TSBP1: variants seen among roughly 807,000 people sequenced by gnomAD.
The protein encoded by TSBP1 is testis expressed basic protein 1.
Under a neutral mutation model 68.8 loss-of-function variants are expected in TSBP1, and 56 were observed. The observed-to-expected ratio is 0.81, with a 90% confidence interval of 0.66 to 1.02. The LOEUF (loss-of-function observed/expected upper bound fraction) is 1.02, where lower values mean the gene tolerates loss of function less well. TSBP1 is among the 50% of genes least tolerant of loss of function. The pLI, the probability that TSBP1 is intolerant of heterozygous loss-of-function variation, is 0.00. For synonymous variants in TSBP1, 171 were observed against 208.7 expected, an observed-to-expected ratio of 0.82 and a Z score of 1.56; for missense variants, 502 against 641.2, an observed-to-expected ratio of 0.78 and a Z score of 2.34.
At chr6:32,366,955 G>T (rs1773812948) in intron 4 of TSBP1, among the ~76,000 whole-genome samples, 1 of 152,016 alleles carries the variant, frequency 6.6e-6, no homozygotes, top group Admixed American at 6.6e-5. Context: ...GAGAAGGATG[G>T]ACCAAGAGTC....
intron 4 of TSBP1, 23 bp downstream of exon 4, chr6:32,367,902 C>G: frequency 6.4e-7 from 1 of 1,572,838 alleles, no homozygotes; most frequent in Non-Finnish European, 8.7e-7. Flanking sequence ...CATTAACTGT[C>G]TAGTAGTTCC....
At chr6:32,296,567 C>T (rs1764748622) in intron 22 of TSBP1, among the ~76,000 whole-genome samples, 1 of 152,168 alleles carries the variant, frequency 6.6e-6, no homozygotes, top group South Asian at 2.1e-4. Context: ...TTCGACAGTG[C>T]TACCAGTGGA....
intron 16 of TSBP1, 45 bp downstream of exon 17, chr6:32,330,544 G>GAAGATC: frequency 6.3e-7 from 1 of 1,582,508 alleles, no homozygotes; most frequent in Non-Finnish European, 8.7e-7. Flanking sequence ...AGACACTGTA[G>GAAGATC]AAGATCAAGG....
chr6:32,345,597 A>G (rs989490598), intron 9 of TSBP1, among the ~76,000 whole-genome samples: 1 of 151,662 alleles, frequency 6.6e-6, no homozygotes, highest in African/African-American at 2.4e-5. Flanking sequence ...TAGGATTATT[A>G]TGAAGAAAAA....
rs1771529924 is a variant in TSBP1 at position 32,349,949 on chromosome 6, T to G, written c.260-120A>C. The G allele has an allele frequency of 3.9e-6, 3 of 777,210 alleles. No homozygotes were observed. In the African/African-American group the frequency reaches 5.1e-5, roughly 13 times the overall value. The allele number at this position is 777,210 out of a possible 1,614,324, so 48.1% of individuals were successfully genotyped here. On this transcript the variant is annotated intron_variant, in intron 8 of 22. Coordinates refer to ENST00000612031, the Ensembl canonical transcript of TSBP1. Reference sequence around the variant, plus strand: ...ATCTACATATGGATTCCAATACTTTTGTGGTAAGGTGGGACTACAAGATCT... The same window carrying G: ...ATCTACATATGGATTCCAATACTTTGGTGGTAAGGTGGGACTACAAGATCT...
At chr6:32,293,409 T>C (rs971825814) in exon 23 of TSBP1, 2 of 1,612,922 alleles carry the variant, frequency 1.2e-6, no homozygotes, top group African/African-American at 1.3e-5. Context: ...TCTTGTCCTT[T>C]TGGTACCTTC....
At chr6:32,359,995 G>A (rs116267333) in intron 6 of TSBP1, among the ~76,000 whole-genome samples, 168 of 152,112 alleles carry the variant, frequency 1.1e-3, no homozygotes, top group African/African-American at 3.9e-3. Context: ...CCACAATCAA[G>A]CTAATTAACA....
At chr6:32,322,583 T>G (rs1229610196) in intron 18 of TSBP1, 77 bp from the exon 20 acceptor site, 2 of 1,158,402 alleles carry the variant, frequency 1.7e-6, no homozygotes, top group African/African-American at 3.0e-5. Flanking sequence ...TATATTTTGC[T>G]GGAGTCTGTG....
intron 1 of TSBP1, among the ~76,000 whole-genome samples, chr6:32,370,853 A>AAAAG (rs1774334677): frequency 1.8e-5 from 1 of 54,802 alleles, no homozygotes; most frequent in Non-Finnish European, 3.8e-5. Flanking sequence ...GAAAAAAAAG[A>AAAAG]AAAGAGAGAG....
chr6:32,366,586 A>ACCCCG (rs1773753115), intron 4 of TSBP1, among the ~76,000 whole-genome samples: 1 of 150,914 alleles, frequency 6.6e-6, no homozygotes, highest in East Asian at 1.9e-4. Context: ...ACACGGTGAA[A>ACCCCG]CCCCGTCTCT....
At chr6:32,329,967 A>G (rs1338842455) in intron 16 of TSBP1, among the ~76,000 whole-genome samples, 3 of 152,004 alleles carry the variant, frequency 2.0e-5, no homozygotes, top group African/African-American at 7.3e-5. Context: ...TTACAGCCCA[A>G]TTACTGTTAT....
At chr6:32,330,041 T>C (rs72843212) in intron 16 of TSBP1, among the ~76,000 whole-genome samples, 12,150 of 152,042 alleles carry the variant, frequency 0.08, 765 homozygotes, top group East Asian at 0.1. Flanking sequence ...TGCGTGTGTG[T>C]GCGCGCGCGC....
Position 32,314,096 on chromosome 6 carries a change from C to G in TSBP1, c.580+1676G>C, listed in dbSNP as rs1562086301. 6.6e-6 allele frequency among the ~76,000 whole-genome samples: 1 copy of G among 152,114 alleles called. No individual in the cohort carries two copies. The highest frequency in any genetic ancestry group is 2.4e-5 in the African/African-American group (1 of 41,404). ...TCCCAAGAGCTTAACTTTAGCTTTC[C>G]TTTCTTTATATGTGTTCCTATATTC... is the stretch of plus-strand genomic sequence containing the variant. On this transcript the variant is annotated intron_variant, in intron 19 of 22. Transcript: ENST00000612031. The surrounding 1 kb of genome is among the most constrained non-coding windows in gnomAD (Gnocchi z 4.2).
intron 6 of TSBP1, 123 bp downstream of exon 6, chr6:32,366,044 T>G: frequency 7.3e-7 from 1 of 1,369,594 alleles, no homozygotes; most frequent in South Asian, 1.3e-5. Flanking sequence ...CTCAGAATAT[T>G]CTGTAACTAC....
chr6:32,343,178 T>C lies in TSBP1; in HGVS notation c.350-3540A>G, dbSNP rs1770570635. On this transcript the variant is annotated intron_variant, in intron 9 of 22. Coordinates refer to ENST00000612031, the Ensembl canonical transcript of TSBP1. This position sits in a 1 kb window ranked among gnomAD's most constrained non-coding sequence, Gnocchi z 4.3. ...AGGAAATAGTTAAGACAGGGAGAAGTCCTCTGCCTAGCATAGGAGCCCAAC... is the reference window on the plus strand; with the variant it reads ...AGGAAATAGTTAAGACAGGGAGAAGCCCTCTGCCTAGCATAGGAGCCCAAC... 1 of 1,011,500 alleles carries C rather than the reference T, an allele frequency of 9.9e-7. No homozygotes were observed. Among genetic ancestry groups the C allele is most frequent in the East Asian group, 3.2e-5 (1 of 31,166 alleles). 62.7% of individuals were successfully genotyped at this position (1,011,500 alleles called of 1,614,324 possible). A position where few individuals can be genotyped will look rare whatever the true frequency, so the allele number is the denominator to read the frequency against.
At chr6:32,330,752 C>T in intron 15 of TSBP1, 143 bp from the exon 17 acceptor site, 1 of 975,276 alleles carries the variant, frequency 1.0e-6, no homozygotes, top group Non-Finnish European at 1.5e-6. Context: ...CTCACTGCAA[C>T]CTCCACCTTC....
At position 32,306,855 on chromosome 6, in the gene TSBP1, CA is replaced by C. The variant is rs2127570243; in HGVS notation, c.581-4227del. Among the ~76,000 whole-genome samples the C allele has an allele frequency of 6.6e-6, 1 of 152,174 alleles. No homozygotes were observed. The highest frequency in any genetic ancestry group is 2.4e-5 in the African/African-American group (1 of 41,510). On this transcript the variant is annotated intron_variant, in intron 19 of 22. Transcript: ENST00000612031. This position sits in a 1 kb window ranked among gnomAD's most constrained non-coding sequence, Gnocchi z 5.1. ...TCATGTTTAATGTCAAGTGCTCAGG[CA>C]AAATAGATGATTTGGCTAGGCTAAC...
At chr6:32,303,965 T>C (rs1765543891) in intron 19 of TSBP1, among the ~76,000 whole-genome samples, 1 of 152,202 alleles carries the variant, frequency 6.6e-6, no homozygotes, top group Admixed American at 6.5e-5. Context: ...CAGACTGTGA[T>C]ACAAACTTCT....
rs1249936406 is a variant in TSBP1, at chr6:32,365,958, T to G, written c.217+209A>C. ...ATTACTTTTGTTAAATAATTAGGAG[T>G]TGGATAGGAGAGGAATTGCATAGCT... On this transcript the variant is annotated intron_variant, in intron 6 of 22. Coordinates refer to ENST00000612031, the Ensembl canonical transcript of TSBP1. This position sits in a 1 kb window ranked among gnomAD's most constrained non-coding sequence, Gnocchi z 4.3. 2 of 721,972 alleles carry G rather than the reference T, an allele frequency of 2.8e-6. No individual in the cohort carries two copies. The highest frequency in any genetic ancestry group is 3.0e-5 in the East Asian group (1 of 33,374). 44.7% of individuals were successfully genotyped at this position (721,972 alleles called of 1,614,324 possible). A position where few individuals can be genotyped will look rare whatever the true frequency, so the allele number is the denominator to read the frequency against.
Sources: allele counts gnomAD v4.1 joint callset (sites outside exome capture counted in the v4.1 genomes callset), GRCh38; gene constraint gnomAD v4.1.1; non-coding constraint Gnocchi (gnomAD v3.1); transcripts MANE v1.5; gene names NCBI Gene and HGNC (gene_info 2026-07-23, HGNC 2026-07-21).